Variants in MGAT4C observed in about 807,000 individuals in gnomAD.
MGAT4C encodes MGAT4 family member C.
MGAT4C carries 19 observed loss-of-function variants against 40.1 expected under a neutral mutation model. The observed-to-expected ratio is 0.47, with a 90% CI of 0.33 to 0.70. The LOEUF (loss-of-function observed/expected upper bound fraction) is 0.70. Ranked by LOEUF, MGAT4C falls within the 30% of genes least tolerant of loss-of-function variation. The pLI, the probability that MGAT4C is intolerant of heterozygous loss-of-function variation, is 0.02. For synonymous variants in MGAT4C, 181 were observed against 187.1 expected (o/e 0.97, Z 0.27); for missense variants, 491 against 563.2 (o/e 0.87, Z 1.30).
At chr12:86,756,057 A>C (rs1390730785) in intron 1 of MGAT4C, among the ~76,000 whole-genome samples, 1 of 152,072 alleles carries the variant, frequency 6.6e-6, no homozygotes, top group Non-Finnish European at 1.5e-5. Context: ...TTATCTGAAA[A>C]TACATGTATT....
At chr12:86,605,845 G>A (rs1962024041) in intron 2 of MGAT4C, among the ~76,000 whole-genome samples, 1 of 152,114 alleles carries the variant, frequency 6.6e-6, no homozygotes, top group Non-Finnish European at 1.5e-5. Context: ...TATAGGCTAA[G>A]AGAAAATGCA....
At chr12:86,055,180 C>A (rs1893268062) in intron 1 of MGAT4C, among the ~76,000 whole-genome samples, 2 of 152,026 alleles carry the variant, frequency 1.3e-5, no homozygotes, top group Non-Finnish European at 2.9e-5. Context: ...ACATCATAAG[C>A]CTCAACAAGG....
intron 4 of MGAT4C, among the ~76,000 whole-genome samples, chr12:86,329,713 C>T (rs1326462776): frequency 6.6e-6 from 1 of 152,100 alleles, no homozygotes; most frequent in South Asian, 2.1e-4. Flanking sequence ...CTTAATACTT[C>T]TTAATGGATA....
chr12:86,520,249 G>T (rs1308944264), intron 2 of MGAT4C, among the ~76,000 whole-genome samples: 1 of 152,034 alleles, frequency 6.6e-6, no homozygotes, highest in Non-Finnish European at 1.5e-5. Flanking sequence ...AGGTCCCAGT[G>T]TGCTTCATAC....
At chr12:86,500,308 T>C (rs989911227) in intron 2 of MGAT4C, among the ~76,000 whole-genome samples, 3 of 151,700 alleles carry the variant, frequency 2.0e-5, no homozygotes, top group African/African-American at 7.3e-5. Flanking sequence ...TCAGATTTAT[T>C]TATGTAAATG....
At chr12:85,988,831 T>G (rs1885556390) in intron 3 of MGAT4C, among the ~76,000 whole-genome samples, 1 of 152,056 alleles carries the variant, frequency 6.6e-6, no homozygotes, top group African/African-American at 2.4e-5. Context: ...AACTACTGAA[T>G]GATTTACACA....
intron 4 of MGAT4C, among the ~76,000 whole-genome samples, chr12:86,326,522 A>C (rs1954532641): frequency 6.6e-6 from 1 of 152,190 alleles, no homozygotes; most frequent in Admixed American, 6.5e-5. Context: ...TATAAGACTT[A>C]AATCTACTAG....
intron 1 of MGAT4C, among the ~76,000 whole-genome samples, chr12:86,225,509 A>G (rs1445051522): frequency 6.6e-6 from 1 of 152,060 alleles, no homozygotes; most frequent in East Asian, 1.9e-4. Flanking sequence ...AAACTGCAGG[A>G]TGATATCCCT....
intron 2 of MGAT4C, among the ~76,000 whole-genome samples, chr12:86,606,882 G>A (rs574960985): frequency 2.0e-5 from 3 of 152,026 alleles, no homozygotes; most frequent in Admixed American, 1.3e-4. Flanking sequence ...ATTAGATTTA[G>A]GATATTTCTT....
At chr12:86,466,873 G>A (rs973342899) in intron 2 of MGAT4C, among the ~76,000 whole-genome samples, 7 of 152,044 alleles carry the variant, frequency 4.6e-5, no homozygotes, top group African/African-American at 1.7e-4. Flanking sequence ...ATTTCTACAT[G>A]ATGCTTAATA....
At chr12:86,091,082 G>A (rs1034762061) in intron 1 of MGAT4C, among the ~76,000 whole-genome samples, 2 of 151,866 alleles carry the variant, frequency 1.3e-5, no homozygotes, top group African/African-American at 4.8e-5. Flanking sequence ...AAACTGAAAG[G>A]AAAGAATCTG....
intron 1 of MGAT4C, among the ~76,000 whole-genome samples, chr12:86,088,942 C>T (rs1334249175): frequency 6.6e-6 from 1 of 151,876 alleles, no homozygotes; most frequent in East Asian, 1.9e-4. Context: ...GTATTATTGT[C>T]TTCTTCTTAT....
At position 85,972,562 on chromosome 12, in the gene MGAT4C, C is replaced by A. The variant is rs1241940207; in HGVS notation, c.*6727G>T. On this transcript the variant is annotated 3_prime_UTR_variant, in exon 5 of 5. Coordinates refer to ENST00000611864, the MANE Select transcript of MGAT4C (RefSeq NM_001351288.2). ...AAAGTGTGGGATATAGTTTACATTA[C>A]CGAGTTTATTTTCTAAGGGTAGTGA... The A allele has an allele frequency of 2.7e-5, 4 of 150,940 alleles. No individual in the cohort carries two copies. Among genetic ancestry groups the A allele is most frequent in the African/African-American group, 7.3e-5 (3 of 41,308 alleles). 9.4% of individuals were successfully genotyped at this position (150,940 alleles called of 1,614,324 possible).
intron 3 of MGAT4C, among the ~76,000 whole-genome samples, chr12:86,343,853 T>G (rs1373957375): frequency 6.6e-6 from 1 of 152,146 alleles, no homozygotes; most frequent in Non-Finnish European, 1.5e-5. Context: ...AAAGCTTTTT[T>G]TTTCTTTTCA....
chr12:86,070,088 G>GTT, intron 1 of MGAT4C, among the ~76,000 whole-genome samples: 1 of 145,200 alleles, frequency 6.9e-6, no homozygotes, highest in Admixed American at 6.7e-5. Context: ...CTTTGCATTG[G>GTT]ATTTTTTTTT....
At chr12:86,275,832 T>G (rs1012065905) in intron 4 of MGAT4C, among the ~76,000 whole-genome samples, 1 of 150,034 alleles carries the variant, frequency 6.7e-6, no homozygotes, top group Non-Finnish European at 1.5e-5. Flanking sequence ...CTGGGCGCGG[T>G]GGCTCACGCC....
At chr12:86,403,149 G>A (rs913056391) in intron 3 of MGAT4C, among the ~76,000 whole-genome samples, 6 of 152,074 alleles carry the variant, frequency 3.9e-5, no homozygotes, top group Admixed American at 2.6e-4. Flanking sequence ...ATTTAAAACA[G>A]CAATATGTTT....
chr12:86,836,808 G>A (rs186622690), intron 1 of MGAT4C, among the ~76,000 whole-genome samples: 1 of 152,178 alleles, frequency 6.6e-6, no homozygotes, highest in Non-Finnish European at 1.5e-5. Context: ...CAAACATGAA[G>A]TGACTATTTC....
At chr12:86,482,256 AT>A (rs1957950782) in intron 2 of MGAT4C, among the ~76,000 whole-genome samples, 1 of 152,112 alleles carries the variant, frequency 6.6e-6, no homozygotes, top group South Asian at 2.1e-4. Flanking sequence ...ACAATTTTTA[AT>A]CAGCTAAATT....
Sources: gnomAD v4.1 joint callset for allele counts (sites outside exome capture counted in the v4.1 genomes callset) on GRCh38, gnomAD v4.1.1 for gene constraint, MANE v1.5 for transcripts, NCBI Gene and HGNC (gene_info 2026-07-23, HGNC 2026-07-21) for gene names.